SATL1: variants seen among roughly 807,000 people sequenced by gnomAD.
SATL1 encodes the protein spermidine/spermine N(1)-acetyltransferase-like protein 1.
Under a neutral mutation model 51.8 loss-of-function variants are expected in SATL1, and 47 were observed. The observed-to-expected ratio is 0.91, with a 90% CI of 0.72 to 1.16. The LOEUF (loss-of-function observed/expected upper bound fraction) is 1.16. Among genes scored for constraint, SATL1 ranks in the 50% most tolerant of loss-of-function variants. SATL1 has a pLI of 0.00. For synonymous variants in SATL1, 176 were observed against 182.4 expected (o/e 0.97, Z 0.28); for missense variants, 520 against 526.4 (o/e 0.99, Z 0.12).
intron 2 of SATL1, among the ~76,000 whole-genome samples, chrX:85,134,696 G>T (rs1925905826): frequency 8.9e-6 from 1 of 111,842 alleles, no homozygotes; most frequent in African/African-American, 3.3e-5. Flanking sequence ...TGTTAAATGA[G>T]AATGGTATGT....
At position 85,169,020 on chromosome X, in the gene SATL1, G is replaced by A. The variant is rs186839225; in HGVS notation, c.-313+55185C>T. On this transcript the variant is annotated intron_variant, in intron 2 of 7. Coordinates refer to ENST00000644105, the MANE Select transcript of SATL1 (RefSeq NM_001367857.2). ...CAAAGATGACAAAAACAAGCAATGG[G>A]AAAAAGACTCCCTATTCAATAAATG... Among the ~76,000 whole-genome samples, 379 of 112,136 alleles carry A rather than the reference G, an allele frequency of 3.4e-3. 2 individuals are homozygous for A. The highest frequency in any genetic ancestry group is 0.012 in the African/African-American group (365 of 30,976).
chrX:85,106,189 T>G (rs916142161), intron 3 of SATL1, among the ~76,000 whole-genome samples: 1 of 112,249 alleles, frequency 8.9e-6, no homozygotes, highest in African/African-American at 3.2e-5. Flanking sequence ...AATGTGGATC[T>G]GTAATAATCT....
intron 2 of SATL1, among the ~76,000 whole-genome samples, chrX:85,181,595 C>T (rs1927204573): frequency 9.0e-6 from 1 of 110,578 alleles, no homozygotes; most frequent in African/African-American, 3.3e-5. Context: ...GAAAGCAAAA[C>T]CTGAATGCAA....
intron 4 of SATL1, among the ~76,000 whole-genome samples, chrX:85,099,604 C>T (rs1454231696): frequency 9.0e-6 from 1 of 111,314 alleles, no homozygotes; most frequent in African/African-American, 3.3e-5. Flanking sequence ...ATAAGAATAT[C>T]AATTTAATAC....
intron 2 of SATL1, among the ~76,000 whole-genome samples, chrX:85,195,107 T>A (rs897022046): frequency 2.7e-4 from 30 of 111,041 alleles, no homozygotes; most frequent in African/African-American, 9.8e-4. Context: ...ATACAGTATG[T>A]AGGTGGAGAC....
intron 2 of SATL1, among the ~76,000 whole-genome samples, chrX:85,132,008 C>T (rs374452528): frequency 2.2e-4 from 25 of 111,511 alleles, no homozygotes; most frequent in Non-Finnish European, 3.8e-4. Context: ...AGGTTTCTAC[C>T]GAGAGATCTG....
chrX:85,140,600 T>C (rs1204717274), intron 2 of SATL1, among the ~76,000 whole-genome samples: 1 of 112,357 alleles, frequency 8.9e-6, no homozygotes, highest in Admixed American at 9.5e-5. Flanking sequence ...TACACTTATC[T>C]ATTATATCTG....
chrX:85,184,569 G>A (rs1415511319), intron 2 of SATL1, among the ~76,000 whole-genome samples: 1 of 111,323 alleles, frequency 9.0e-6, no homozygotes, highest in Admixed American at 9.6e-5. Context: ...CTGTATTCAA[G>A]CTCAATTCTT....
intron 6 of SATL1, among the ~76,000 whole-genome samples, chrX:85,093,557 T>C (rs1924593039): frequency 8.9e-6 from 1 of 112,471 alleles, no homozygotes; most frequent in African/African-American, 3.2e-5. Flanking sequence ...TATAGCTGTG[T>C]GGCCTATACT....
chrX:85,169,909 G>A (rs186970083), intron 2 of SATL1, among the ~76,000 whole-genome samples: 38 of 111,651 alleles, frequency 3.4e-4, no homozygotes, highest in South Asian at 1.5e-3. Flanking sequence ...AAGAAAATGT[G>A]ATACATGTAA....
At chrX:85,231,339 G>C (rs902223434) in intron 1 of SATL1, among the ~76,000 whole-genome samples, 10 of 111,728 alleles carry the variant, frequency 9.0e-5, no homozygotes, top group African/African-American at 3.3e-4. Flanking sequence ...CCACTTAAAG[G>C]CAGTATCTAA....
At chrX:85,150,194 C>A (rs1161726201) in intron 2 of SATL1, among the ~76,000 whole-genome samples, 5 of 111,761 alleles carry the variant, frequency 4.5e-5, no homozygotes, top group African/African-American at 1.6e-4. Flanking sequence ...CACCTCTATG[C>A]AAATAAACTA....
intron 4 of SATL1, among the ~76,000 whole-genome samples, chrX:85,096,126 T>C (rs1886277642): frequency 9.0e-6 from 1 of 111,405 alleles, no homozygotes; most frequent in Non-Finnish European, 1.9e-5. Context: ...TTAAAACATC[T>C]GTCTTAAAGA....
At chrX:85,236,458 G>A (rs1018199420) in intron 1 of SATL1, among the ~76,000 whole-genome samples, 4 of 111,093 alleles carry the variant, frequency 3.6e-5, no homozygotes, top group Admixed American at 9.6e-5. Flanking sequence ...CTAGTAAACT[G>A]AATTCAACAA....
intron 2 of SATL1, among the ~76,000 whole-genome samples, chrX:85,208,237 C>T (rs993027428): frequency 9.0e-6 from 1 of 111,471 alleles, no homozygotes; most frequent in Non-Finnish European, 1.9e-5. Flanking sequence ...TGAACTCATC[C>T]TTTTTTATGG....
intron 2 of SATL1, among the ~76,000 whole-genome samples, chrX:85,152,592 A>C (rs1274395479): frequency 9.0e-6 from 1 of 111,728 alleles, no homozygotes; most frequent in Non-Finnish European, 1.9e-5. Context: ...GATAGACTGG[A>C]TTAAGAAAAT....
intron 2 of SATL1, among the ~76,000 whole-genome samples, chrX:85,168,191 A>G (rs1200879156): frequency 9.0e-6 from 1 of 111,477 alleles, no homozygotes; most frequent in Non-Finnish European, 1.9e-5. Context: ...TGAATGGGCA[A>G]AAGCTGGAAG....
intron 2 of SATL1, among the ~76,000 whole-genome samples, chrX:85,147,329 G>T: frequency 8.9e-6 from 1 of 112,294 alleles, no homozygotes; most frequent in East Asian, 2.8e-4. Flanking sequence ...AGCTCCAACT[G>T]GGTGGAGCCC....
chrX:85,234,154 C>A lies in SATL1; in HGVS notation c.-435+9434G>T, dbSNP rs767090887. ...AGAGTGGCATGACATATTTAAAGTGCTGAAGGAAAAAAAAAACTTTTACCC... is the reference window on the plus strand; with the variant it reads ...AGAGTGGCATGACATATTTAAAGTGATGAAGGAAAAAAAAAACTTTTACCC... On this transcript the variant is annotated intron_variant, in intron 1 of 7. Transcript: ENST00000644105. 7.3e-5 allele frequency among the ~76,000 whole-genome samples: 8 copies of A among 110,153 alleles called. No homozygotes were observed. In the South Asian group the frequency reaches 1.9e-3, roughly 26 times the overall value.
Sources: allele counts gnomAD v4.1 joint callset (sites outside exome capture counted in the v4.1 genomes callset), GRCh38; gene constraint gnomAD v4.1.1; transcripts MANE v1.5; gene names NCBI Gene and HGNC (gene_info 2026-07-23, HGNC 2026-07-21).